Variants in LARS2 observed in about 807,000 individuals in gnomAD.
LARS2 encodes the protein leucyl-tRNA synthetase 2, mitochondrial, also known as leucine--tRNA ligase, mitochondrial.
Under a neutral mutation model 116.6 loss-of-function variants are expected in LARS2, and 81 were observed. The observed-to-expected ratio is 0.69, with a 90% CI of 0.58 to 0.84. The LOEUF is 0.84. Ranked by LOEUF, LARS2 falls within the 40% of genes least tolerant of loss-of-function variation. The probability of loss-of-function intolerance (pLI) is 0.00; values close to 1 mark genes in which losing one functional copy is unlikely to be tolerated. For synonymous variants in LARS2, 396 were observed against 407.2 expected (o/e 0.97, Z 0.33); for missense variants, 968 against 1,114.5 (o/e 0.87, Z 1.87).
intron 9 of LARS2, among the ~76,000 whole-genome samples, chr3:45,474,595 T>C (rs1699582315): frequency 6.6e-6 from 1 of 152,184 alleles, no homozygotes; most frequent in Non-Finnish European, 1.5e-5. Flanking sequence ...CAATAAAAAA[T>C]GATTTATTAA....
chr3:45,396,174 T>C (rs1308351209), intron 3 of LARS2, among the ~76,000 whole-genome samples: 1 of 152,220 alleles, frequency 6.6e-6, no homozygotes. Context: ...TAAATTGTTT[T>C]AGCAATTGGG....
intron 2 of LARS2, among the ~76,000 whole-genome samples, chr3:45,393,946 A>G (rs1698001927): frequency 6.6e-6 from 1 of 152,256 alleles, no homozygotes; most frequent in Non-Finnish European, 1.5e-5. Context: ...AACTCATAAT[A>G]TGTATAAAAA....
chr3:45,414,731 TAA>T (rs879609697), intron 4 of LARS2, among the ~76,000 whole-genome samples: 2 of 142,714 alleles, frequency 1.4e-5, no homozygotes, highest in Non-Finnish European at 1.5e-5. Flanking sequence ...CCCTGTCTCT[TAA>T]AAAAAAAAAA....
At chr3:45,457,476 C>T (rs950784095) in intron 7 of LARS2, among the ~76,000 whole-genome samples, 4 of 152,230 alleles carry the variant, frequency 2.6e-5, no homozygotes, top group South Asian at 2.1e-4. Flanking sequence ...GTCAAGAGTT[C>T]GAGACCAGCC....
intron 8 of LARS2, 125 bp from the exon 9 acceptor site, chr3:45,474,118 G>T: frequency 1.8e-6 from 1 of 549,774 alleles, no homozygotes; most frequent in Non-Finnish European, 3.3e-6. Flanking sequence ...TGAACAAGGA[G>T]AGAGCTAAAT....
rs1699156283 is a variant in LARS2, at chr3:45,452,898, G to T, written c.607-5845G>T. ...TTACTTCATGGTTCGATCTTGCTAG[G>T]TTGTGTGTGTGTCCAGGAATTCATC... On this transcript the variant is annotated intron_variant, in intron 7 of 21. Coordinates refer to ENST00000645846, the MANE Select transcript of LARS2 (RefSeq NM_015340.4). 3.3e-5 allele frequency among the ~76,000 whole-genome samples: 5 copies of T among 152,090 alleles called. No homozygotes were observed. The South Asian group carries it at 8.3e-4, about 25-fold the overall frequency.
chr3:45,436,770 C>T (rs1256924089), intron 6 of LARS2, among the ~76,000 whole-genome samples: 83 of 138,466 alleles, frequency 6.0e-4, no homozygotes, highest in African/African-American at 1.8e-3. Context: ...GTCCGCAGTC[C>T]GGCCTGGGCG....
At chr3:45,484,603 CAAAAAAAAAA>C (rs1156814528) in intron 10 of LARS2, among the ~76,000 whole-genome samples, 10 of 14,722 alleles carry the variant, frequency 6.8e-4, no homozygotes, top group East Asian at 3.8e-3. Flanking sequence ...CCTGTCTCTA[CAAAAAAAAAA>C]AAAAAAAAAA....
At chr3:45,417,366 A>G (rs1259423632) in intron 4 of LARS2, 116 bp from the exon 5 acceptor site, 1 of 782,826 alleles carries the variant, frequency 1.3e-6, no homozygotes, top group Non-Finnish European at 2.2e-6. Context: ...ACCTGAAAAC[A>G]TCCAGCAAAA....
At chr3:45,400,463 C>T (rs1559455919) in intron 4 of LARS2, 90 bp downstream of exon 4, 2 of 1,306,212 alleles carry the variant, frequency 1.5e-6, no homozygotes, top group East Asian at 5.0e-5. Context: ...TGAAGAAAAC[C>T]AACTTTAGTT....
At chr3:45,422,243 T>C in intron 6 of LARS2, 1 of 152,212 alleles carries the variant, frequency 6.6e-6, no homozygotes, top group East Asian at 1.9e-4. Context: ...TAATGAATGT[T>C]TGAATTTGAA....
At chr3:45,507,878 A>G (rs1348890221) in intron 15 of LARS2, among the ~76,000 whole-genome samples, 2 of 152,090 alleles carry the variant, frequency 1.3e-5, no homozygotes, top group Non-Finnish European at 2.9e-5. Context: ...AGTATGGTAT[A>G]TATTCCAAAG....
intron 4 of LARS2, among the ~76,000 whole-genome samples, chr3:45,408,402 AAAGT>A (rs1698268399): frequency 6.6e-6 from 1 of 152,192 alleles, no homozygotes; most frequent in Non-Finnish European, 1.5e-5. Context: ...CTCTGATCTC[AAAGT>A]AAGGCAGGTT....
intron 13 of LARS2, among the ~76,000 whole-genome samples, chr3:45,494,797 A>G (rs949387800): frequency 1.4e-4 from 21 of 152,258 alleles, no homozygotes; most frequent in African/African-American, 4.8e-4. Flanking sequence ...GCTGGGCATG[A>G]TGGCTCATGC....
In LARS2 at chr3:45,419,757, C is replaced by T. The variant is rs199972268; in HGVS notation, c.516+28C>T. On this transcript the variant is annotated intron_variant, in intron 6 of 21. Transcript: ENST00000645846. ...AAGTCAACTCTTTTTCCTGAAAGGT[C>T]GTCATTTTAAGGAAGGACTTGATGG... 364 of 1,589,064 alleles carry T rather than the reference C, an allele frequency of 2.3e-4. 6 individuals carry two copies. The South Asian group carries it at 2.6e-3, about 12-fold the overall frequency.
At chr3:45,483,053 A>G (rs1446890026) in intron 10 of LARS2, among the ~76,000 whole-genome samples, 2 of 152,222 alleles carry the variant, frequency 1.3e-5, no homozygotes, top group Non-Finnish European at 2.9e-5. Flanking sequence ...GAGGCTGAAC[A>G]GTGCTTTCGT....
chr3:45,401,269 A>G (rs1698143817), intron 4 of LARS2, among the ~76,000 whole-genome samples: 1 of 152,164 alleles, frequency 6.6e-6, no homozygotes, highest in Non-Finnish European at 1.5e-5. Context: ...TGGGAGGCCC[A>G]GGCAGGAGGA....
At chr3:45,512,067 G>A (rs899193063) in intron 15 of LARS2, among the ~76,000 whole-genome samples, 1 of 151,976 alleles carries the variant, frequency 6.6e-6, no homozygotes, top group African/African-American at 2.4e-5. Context: ...GAGCCACCGC[G>A]CCTGGCCAAT....
chr3:45,461,204 C>CT lies in LARS2; in HGVS notation c.750+2329dup, dbSNP rs1008714015. Among the ~76,000 whole-genome samples, 602 of 145,916 alleles carry CT rather than the reference C, an allele frequency of 4.1e-3. 6 individuals carry two copies. The highest frequency in any genetic ancestry group is 0.014 in the African/African-American group (551 of 39,900). ...GAGGAATCTCAGGAGAGAGTAGAAA[C>CT]TTTTTTTTTTTAAATGAACCAGTTA... On this transcript the variant is annotated intron_variant, in intron 8 of 21. Transcript: ENST00000645846.
Sources: allele counts gnomAD v4.1 joint callset (sites outside exome capture counted in the v4.1 genomes callset), GRCh38; gene constraint gnomAD v4.1.1; transcripts MANE v1.5; gene names NCBI Gene and HGNC (gene_info 2026-07-23, HGNC 2026-07-21).